TNS3: variants seen among roughly 807,000 people sequenced by gnomAD.
TNS3 encodes the protein tensin-3.
Under a neutral mutation model 140.9 loss-of-function variants are expected in TNS3, and 45 were observed. That is an observed-to-expected ratio of 0.32 (90% CI 0.25 to 0.41). TNS3 has a LOEUF of 0.41. Among genes scored for constraint, TNS3 ranks in the 10% least tolerant of loss-of-function variants. The pLI is 1.00. For synonymous variants in TNS3, 815 were observed against 788.4 expected, an observed-to-expected ratio of 1.03 and a Z score of -0.56; for missense variants, 1,716 against 1,906.7, an observed-to-expected ratio of 0.90 and a Z score of 1.86.
intron 3 of TNS3, among the ~76,000 whole-genome samples, chr7:47,485,614 G>C (rs1584755932): frequency 6.6e-6 from 1 of 152,266 alleles, no homozygotes. Flanking sequence ...GTCATGGGCT[G>C]TGGGCCAAAA....
chr7:47,356,715 T>C (rs994289674), intron 17 of TNS3, among the ~76,000 whole-genome samples: 2 of 152,190 alleles, frequency 1.3e-5, no homozygotes, highest in African/African-American at 2.4e-5. Flanking sequence ...TATGTATAGA[T>C]ATAACAAACA....
rs1785067034 is a variant in TNS3, at chr7:47,280,210, A to G, written c.4167-20T>C. ...ATCCACCTTGCAAATTAAAGAGAAA[A>G]ACAGAGGTTAATTTTTTTAAACTAA... On this transcript the variant is annotated intron_variant, in intron 29 of 30. Coordinates refer to ENST00000311160, the MANE Select transcript of TNS3 (RefSeq NM_022748.12). 1.2e-6 allele frequency: 2 copies of G among 1,614,136 alleles called. No homozygotes were observed. Among genetic ancestry groups the G allele is most frequent in the Admixed American group, 3.3e-5 (2 of 60,026 alleles).
At chr7:47,528,047 GAC>G (rs1162413022) in intron 2 of TNS3, among the ~76,000 whole-genome samples, 1 of 152,086 alleles carries the variant, frequency 6.6e-6, no homozygotes, top group Admixed American at 6.6e-5. Context: ...TCTACTTAGC[GAC>G]CAGGGTGGCC....
At position 47,390,897 on chromosome 7, in the gene TNS3, C is replaced by T. The variant is rs1792473980; in HGVS notation, c.1024+5903G>A. 2.0e-5 allele frequency among the ~76,000 whole-genome samples: 3 copies of T among 152,192 alleles called. No homozygotes were observed. The South Asian group carries it at 6.2e-4, about 32-fold the overall frequency. ...AGAAGCCCATTCTCTACTCTCCTTCCTCTCCAGACTCTGCCTCCCAGAGGG... is the reference window on the plus strand; with the variant it reads ...AGAAGCCCATTCTCTACTCTCCTTCTTCTCCAGACTCTGCCTCCCAGAGGG... On this transcript the variant is annotated intron_variant, in intron 16 of 30. Transcript: ENST00000311160.
intron 3 of TNS3, among the ~76,000 whole-genome samples, chr7:47,500,694 G>A (rs1333555875): frequency 2.0e-5 from 3 of 151,118 alleles, no homozygotes; most frequent in African/African-American, 7.4e-5. Context: ...CTATTGTAAA[G>A]GGTACAAATA....
chr7:47,320,558 G>A (rs1048118821), intron 20 of TNS3, among the ~76,000 whole-genome samples: 26 of 152,148 alleles, frequency 1.7e-4, no homozygotes, highest in African/African-American at 4.6e-4. Flanking sequence ...TTCTCTCTGC[G>A]GTGCACAGAT....
At position 47,441,858 on chromosome 7, in the gene TNS3, G is replaced by GT. The variant is rs199947851; in HGVS notation, c.-23+144dup. On this transcript the variant is annotated intron_variant, in intron 5 of 30. Transcript: ENST00000311160. ...TAGAAACGGACAGAAAACCTGGCCT[G>GT]TATCACCTTTGATTGGCAATGTTTA... The GT allele has an allele frequency of 2.5e-3, 1,434 of 571,856 alleles. 28 individuals are homozygous for GT. Among genetic ancestry groups the GT allele is most frequent in the African/African-American group, 0.025 (1,304 of 52,144 alleles). 35.4% of individuals were successfully genotyped at this position (571,856 alleles called of 1,614,324 possible).
At chr7:47,577,211 C>T (rs931630433) in intron 1 of TNS3, among the ~76,000 whole-genome samples, 3 of 152,138 alleles carry the variant, frequency 2.0e-5, no homozygotes, top group African/African-American at 7.2e-5. Context: ...GACAGGTTGC[C>T]GCTCGCTTGG....
At chr7:47,414,057 G>A in intron 11 of TNS3, 60 bp from the exon 12 acceptor site, 1 of 1,589,852 alleles carries the variant, frequency 6.3e-7, no homozygotes, top group Non-Finnish European at 8.6e-7. Flanking sequence ...ACAGGAATTT[G>A]GCAATCAGAA....
intron 1 of TNS3, among the ~76,000 whole-genome samples, chr7:47,578,052 G>A (rs1468457578): frequency 1.3e-5 from 2 of 150,578 alleles, no homozygotes; most frequent in African/African-American, 2.4e-5. Context: ...AGTGGCTCAC[G>A]CCTGTAACCC....
chr7:47,439,681 T>A, intron 5 of TNS3, 23 bp from the exon 6 acceptor site: 1 of 1,611,722 alleles, frequency 6.2e-7, no homozygotes, highest in Non-Finnish European at 8.5e-7. Context: ...AGTGGGCAGA[T>A]CAGAAACAGG....
At chr7:47,497,562 G>A (rs190232882) in intron 3 of TNS3, among the ~76,000 whole-genome samples, 52 of 152,104 alleles carry the variant, frequency 3.4e-4, no homozygotes, top group African/African-American at 1.2e-3. Flanking sequence ...AGCTGCTTCT[G>A]AGAGCTACAC....
chr7:47,572,421 T>C (rs17659059), intron 1 of TNS3, among the ~76,000 whole-genome samples: 43,469 of 152,160 alleles, frequency 0.29, 7,606 homozygotes, highest in East Asian at 0.54. Flanking sequence ...TGTTCTGTTA[T>C]CCTGTGAGAA....
intron 8 of TNS3, among the ~76,000 whole-genome samples, chr7:47,431,929 A>G (rs1794948322): frequency 6.6e-6 from 1 of 152,234 alleles, no homozygotes; most frequent in Non-Finnish European, 1.5e-5. Context: ...GAACAAACTC[A>G]TAAATTCCTG....
intron 10 of TNS3, among the ~76,000 whole-genome samples, chr7:47,420,290 C>T (rs568939866): frequency 2.6e-5 from 4 of 152,216 alleles, no homozygotes; most frequent in South Asian, 2.1e-4. Flanking sequence ...GGTAATGGTT[C>T]GGCAATTATC....
Position 47,369,599 on chromosome 7 carries a change from G to A in TNS3, c.1047C>T (p.Val349=), listed in dbSNP as rs370405059. The A allele has an allele frequency of 6.7e-5, 106 of 1,593,738 alleles. No homozygotes were observed. The highest frequency in any genetic ancestry group is 3.1e-4 in the South Asian group (27 of 87,280). The part of the protein sequence containing the change: ...DGEVLHTQGP[V]DGSLYAKVRK... ...TCACCTTCGCGTAAAGGCTGCCATC[G>A]ACAGGGCCCTGCGTGTGTAGCACTG... The change falls in exon 17 of 31, where the codon GTC becomes GTT. Residue 349 remains valine, a synonymous_variant. Transcript: ENST00000311160.
At chr7:47,523,204 C>T (rs1180386721) in intron 2 of TNS3, among the ~76,000 whole-genome samples, 1 of 152,026 alleles carries the variant, frequency 6.6e-6, no homozygotes, top group Non-Finnish European at 1.5e-5. Context: ...TTTCTAGGGT[C>T]CCTTTCATAA....
At chr7:47,380,139 G>A (rs1015762435) in intron 16 of TNS3, among the ~76,000 whole-genome samples, 6 of 152,226 alleles carry the variant, frequency 3.9e-5, no homozygotes, top group Admixed American at 1.3e-4. Context: ...ACTGTGCTCC[G>A]AGTGGGGCTG....
chr7:47,368,696 C>A lies in TNS3; in HGVS notation c.1950G>T (p.Gly650=). The change falls in exon 17 of 31, where the codon GGG becomes GGT. Residue 650 remains glycine, a synonymous_variant. Transcript: ENST00000311160. ...RVAVQRGVGS[G]PHPPDTQQPS... is the part of the protein sequence containing the mutation. The stretch of plus-strand genomic sequence containing the variant: ...GCTGCTGTGTGTCAGGGGGATGTGG[C>A]CCACTGCCTACACCCCTCTGGACAG... 1 of 1,587,728 alleles carries A rather than the reference C, an allele frequency of 6.3e-7. No homozygotes were observed. The highest frequency in any genetic ancestry group is 8.6e-7 in the Non-Finnish European group (1 of 1,167,814).
Sources: gnomAD v4.1 joint callset for allele counts (sites outside exome capture counted in the v4.1 genomes callset) on GRCh38, gnomAD v4.1.1 for gene constraint, MANE v1.5 for transcripts, NCBI Gene and HGNC (gene_info 2026-07-23, HGNC 2026-07-21) for gene names.